Variants in ANXA10 observed in about 807,000 individuals in gnomAD.
ANXA10 encodes the protein annexin 14.
ANXA10 carries 49 observed loss-of-function variants against 53.5 expected under a neutral mutation model. The observed-to-expected ratio is 0.92, with a 90% CI of 0.73 to 1.16. ANXA10 has a LOEUF of 1.16. Ranked by LOEUF, ANXA10 falls within the 50% of genes most tolerant of loss-of-function variation. The pLI, the probability that ANXA10 is intolerant of heterozygous loss-of-function variation, is 0.00. For synonymous variants in ANXA10, 131 were observed against 128.9 expected (o/e 1.02, Z -0.11); for missense variants, 393 against 394.4 (o/e 1.00, Z 0.03).
At chr4:168,150,891 G>A (rs777273633) in intron 3 of ANXA10, among the ~76,000 whole-genome samples, 4 of 152,164 alleles carry the variant, frequency 2.6e-5, no homozygotes, top group Non-Finnish European at 5.9e-5. Flanking sequence ...GTGTAAGAGG[G>A]TTGGTTGATA....
chr4:168,180,430 C>A (rs1732218363), intron 9 of ANXA10, among the ~76,000 whole-genome samples: 1 of 152,136 alleles, frequency 6.6e-6, no homozygotes, highest in Non-Finnish European at 1.5e-5. Flanking sequence ...ACCCCTGCCA[C>A]AAAGCAGTGG....
intron 1 of ANXA10, among the ~76,000 whole-genome samples, chr4:168,123,067 T>C (rs1332237939): frequency 6.6e-6 from 1 of 152,212 alleles, no homozygotes; most frequent in East Asian, 1.9e-4. Context: ...TGAGAGCTTA[T>C]AGCCTAGAAG....
intron 3 of ANXA10, 123 bp downstream of exon 3, chr4:168,139,703 G>T: frequency 1.7e-6 from 1 of 594,214 alleles, no homozygotes. Flanking sequence ...ATCATTATAT[G>T]TCAGATACAG....
chr4:168,144,872 G>T lies in ANXA10; in HGVS notation c.195+5292G>T, dbSNP rs184596314. ...GTGGTTTCTCCTTGCCCTGTGACAA[G>T]ACAGAGCTGGTTTATCAAGACAGGG... On this transcript the variant is annotated intron_variant, in intron 3 of 11. Coordinates refer to ENST00000359299, the MANE Select transcript of ANXA10 (RefSeq NM_007193.5). Among the ~76,000 whole-genome samples, 5 of 152,316 alleles carry T rather than the reference G, an allele frequency of 3.3e-5. No homozygotes were observed. The East Asian group carries it at 9.7e-4, about 29-fold the overall frequency.
At chr4:168,141,852 G>T (rs1276675196) in intron 3 of ANXA10, among the ~76,000 whole-genome samples, 3 of 151,914 alleles carry the variant, frequency 2.0e-5, no homozygotes, top group African/African-American at 7.3e-5. Context: ...TGCTTCTGCC[G>T]TAAGCCCTTG....
intron 1 of ANXA10, among the ~76,000 whole-genome samples, chr4:168,118,167 A>G (rs1252346376): frequency 6.6e-6 from 1 of 151,968 alleles, no homozygotes; most frequent in Admixed American, 6.6e-5. Context: ...CCTTCTGTGT[A>G]TAAGGATTGA....
At chr4:168,115,022 G>A (rs1730869678) in intron 1 of ANXA10, among the ~76,000 whole-genome samples, 1 of 152,050 alleles carries the variant, frequency 6.6e-6, no homozygotes. Flanking sequence ...AAGTAGCTGG[G>A]ACCACAAGCA....
At chr4:168,121,088 C>G (rs913026299) in intron 1 of ANXA10, among the ~76,000 whole-genome samples, 6 of 152,020 alleles carry the variant, frequency 3.9e-5, no homozygotes, top group African/African-American at 1.4e-4. Context: ...TTCTCCTAAT[C>G]ATGTTTTCAT....
intron 10 of ANXA10, among the ~76,000 whole-genome samples, chr4:168,184,002 C>T (rs148465231): frequency 0.013 from 1,939 of 152,224 alleles, 38 homozygotes; most frequent in African/African-American, 0.044. Context: ...TATTTTTCTG[C>T]ATTTGAATTT....
At chr4:168,123,186 T>C (rs1410895184) in intron 1 of ANXA10, among the ~76,000 whole-genome samples, 1 of 152,140 alleles carries the variant, frequency 6.6e-6, no homozygotes, top group African/African-American at 2.4e-5. Flanking sequence ...TTCAAACTCC[T>C]AGCATGTTAT....
At chr4:168,106,607 A>C (rs1481349327) in intron 1 of ANXA10, among the ~76,000 whole-genome samples, 1 of 152,180 alleles carries the variant, frequency 6.6e-6, no homozygotes. Context: ...CAAGGTGTGA[A>C]GTAGGGGAGT....
chr4:168,166,917 G>C (rs577785107), intron 6 of ANXA10, among the ~76,000 whole-genome samples: 3 of 152,208 alleles, frequency 2.0e-5, no homozygotes, highest in South Asian at 4.2e-4. Flanking sequence ...GAGAGAGAAG[G>C]ATCTATAGTC....
Position 168,154,021 on chromosome 4 carries a change from CGT to C in ANXA10, c.196-8505_196-8504del, listed in dbSNP as rs1199106789. 2.5e-3 allele frequency among the ~76,000 whole-genome samples: 380 copies of C among 151,650 alleles called. 1 individual carries two copies. Among genetic ancestry groups the C allele is most frequent in the African/African-American group, 8.2e-3 (338 of 41,334 alleles). On this transcript the variant is annotated intron_variant, in intron 3 of 11. Coordinates refer to ENST00000359299, the MANE Select transcript of ANXA10 (RefSeq NM_007193.5). ...ACACACACGCACACACGCGCGCGCG[CGT>C]GCCTCTGAGTTGAAAACAAAGATAC...
chr4:168,121,497 T>C lies in ANXA10; in HGVS notation c.19-6587T>C, dbSNP rs187814125. On this transcript the variant is annotated intron_variant, in intron 1 of 11. Transcript: ENST00000359299. ...CTATAAAATTACAATAAGTGTAGGC[T>C]ACAATTTTAATCAAAATGCACATAA... Among the ~76,000 whole-genome samples the C allele has an allele frequency of 4.8e-4, 73 of 152,312 alleles. 1 individual carries two copies. The East Asian group carries it at 0.013, about 27-fold the overall frequency.
At chr4:168,139,457 A>G (rs1232907198) in intron 2 of ANXA10, 29 bp from the exon 3 acceptor site, 2 of 1,592,916 alleles carry the variant, frequency 1.3e-6, no homozygotes, top group South Asian at 1.1e-5. Context: ...TAGCAACTTT[A>G]CTAATCTTCA....
intron 10 of ANXA10, among the ~76,000 whole-genome samples, chr4:168,182,781 C>T (rs1199213175): frequency 2.7e-5 from 4 of 149,616 alleles, no homozygotes; most frequent in African/African-American, 7.3e-5. Flanking sequence ...GAGGCCGAGG[C>T]GGGTGGATCA....
chr4:168,114,418 A>G (rs923608901), intron 1 of ANXA10, among the ~76,000 whole-genome samples: 1 of 152,192 alleles, frequency 6.6e-6, no homozygotes, highest in Non-Finnish European at 1.5e-5. Flanking sequence ...ATTAACAATT[A>G]TCTTACTCAT....
At chr4:168,187,335 T>C in intron 11 of ANXA10, 31 bp from the exon 12 acceptor site, 1 of 1,409,330 alleles carries the variant, frequency 7.1e-7, no homozygotes, top group Non-Finnish European at 9.8e-7. Flanking sequence ...TATGATATTT[T>C]ATTTCAAATA....
chr4:168,134,972 C>T (rs1731214033), intron 2 of ANXA10, among the ~76,000 whole-genome samples: 1 of 152,176 alleles, frequency 6.6e-6, no homozygotes, highest in Non-Finnish European at 1.5e-5. Context: ...AGATGATTTG[C>T]TTAACATTCT....
Sources: gnomAD v4.1 joint callset for allele counts (sites outside exome capture counted in the v4.1 genomes callset) on GRCh38, gnomAD v4.1.1 for gene constraint, MANE v1.5 for transcripts, NCBI Gene and HGNC (gene_info 2026-07-23, HGNC 2026-07-21) for gene names.